The following BICRAL variants were observed in gnomAD, a reference collection of about 807,000 sequenced individuals.
BICRAL encodes BRD4-interacting chromatin-remodeling complex-associated protein-like.
A neutral mutation model predicts 91.8 loss-of-function variants in BICRAL; 8 were observed. That is an observed-to-expected ratio of 0.09 (90% CI 0.05 to 0.16). The LOEUF is 0.16. Among genes scored for constraint, BICRAL ranks in the 10% least tolerant of loss-of-function variants. BICRAL has a pLI of 1.00. For missense variants in BICRAL, 1,038 were observed against 1,310.9 expected (o/e 0.79, Z 3.21); for synonymous variants, 445 against 491.1 (o/e 0.91, Z 1.24).
At chr6:42,746,525 T>C (rs1215613995), upstream of BICRAL, among the ~76,000 whole-genome samples, 1 of 150,074 alleles carries the variant, frequency 6.7e-6, no homozygotes, top group Non-Finnish European at 1.5e-5. Flanking sequence ...GTGTGGTGGG[T>C]TGGGGGGACA....
intron 1 of BICRAL, among the ~76,000 whole-genome samples, chr6:42,785,145 T>C (rs1346606368): frequency 6.6e-6 from 1 of 152,188 alleles, no homozygotes; most frequent in Non-Finnish European, 1.5e-5. Context: ...TCCTAAGACT[T>C]TAAAATCTCA....
intron 11 of BICRAL, among the ~76,000 whole-genome samples, chr6:42,860,936 G>C (rs1427679256): frequency 6.6e-6 from 1 of 151,940 alleles, no homozygotes; most frequent in Non-Finnish European, 1.5e-5. Context: ...AGACCAGCCT[G>C]ACCAACATGG....
chr6:42,760,693 A>C (rs931242688), intron 1 of BICRAL, among the ~76,000 whole-genome samples: 3 of 152,132 alleles, frequency 2.0e-5, no homozygotes, highest in African/African-American at 7.2e-5. Flanking sequence ...GGCATGAGCC[A>C]CTGTGTCCGA....
intron 1 of BICRAL, among the ~76,000 whole-genome samples, chr6:42,809,110 C>A (rs146522504): frequency 1.1e-4 from 17 of 151,716 alleles, no homozygotes; most frequent in African/African-American, 3.6e-4. Flanking sequence ...CGGCACCCCC[C>A]CCAACAGGCC....
intron 1 of BICRAL, among the ~76,000 whole-genome samples, chr6:42,752,946 G>T (rs77498377): frequency 1.4e-5 from 2 of 142,736 alleles, no homozygotes; most frequent in Non-Finnish European, 3.0e-5. Flanking sequence ...GGTTGGGGGG[G>T]TACGGAGTTT....
At chr6:42,849,891 A>G (rs1295062880) in intron 6 of BICRAL, among the ~76,000 whole-genome samples, 1 of 151,950 alleles carries the variant, frequency 6.6e-6, no homozygotes, top group African/African-American at 2.4e-5. Flanking sequence ...ATCTCTACCA[A>G]AAAATACAAA....
intron 1 of BICRAL, among the ~76,000 whole-genome samples, chr6:42,793,043 C>G (rs927772405): frequency 2.0e-5 from 3 of 150,554 alleles, no homozygotes; most frequent in East Asian, 3.9e-4. Flanking sequence ...CAAACTCCAC[C>G]TCCCGGGTTT....
In BICRAL at chr6:42,758,246, C is replaced by T. The variant is rs374949867; in HGVS notation, c.-261+11223C>T. Reference sequence around the variant, plus strand: ...CCCTGAATCCCCCAGTTCTCTATACCGTAGCCAGTTATTGCCCTAAAATGC... The same window carrying T: ...CCCTGAATCCCCCAGTTCTCTATACTGTAGCCAGTTATTGCCCTAAAATGC... On this transcript the variant is annotated intron_variant, in intron 1 of 14. Coordinates refer to the BICRAL transcript ENST00000614467. Among the ~76,000 whole-genome samples the T allele has an allele frequency of 1.2e-4, 18 of 152,124 alleles. No homozygotes were observed. The East Asian group carries it at 1.3e-3, about 11-fold the overall frequency.
intron 1 of BICRAL, among the ~76,000 whole-genome samples, chr6:42,797,810 T>C (rs1255554243): frequency 1.3e-5 from 2 of 152,052 alleles, no homozygotes; most frequent in African/African-American, 2.4e-5. Flanking sequence ...ACCCCATCTC[T>C]ACAAAAATTG....
chr6:42,773,423 G>T (rs1762765810), intron 1 of BICRAL, among the ~76,000 whole-genome samples: 1 of 152,090 alleles, frequency 6.6e-6, no homozygotes. Context: ...TCGCCATGTT[G>T]CCCAGGCTGG....
rs1765726237 is a variant in BICRAL at position 42,867,054 on chromosome 6, G to T, written c.*1608G>T. ...TCTGTTTATCTCCCTGGCTCTGGAGGTGCAGCCACTGGTCTTCACTTTAAT... is the reference window on the plus strand; with the variant it reads ...TCTGTTTATCTCCCTGGCTCTGGAGTTGCAGCCACTGGTCTTCACTTTAAT... On this transcript the variant is annotated 3_prime_UTR_variant, in exon 13 of 13. Coordinates refer to ENST00000314073, the MANE Select transcript of BICRAL (RefSeq NM_001393499.1). 3 of 286,526 alleles carry T rather than the reference G, an allele frequency of 1.0e-5. No individual in the cohort carries two copies. The highest frequency in any genetic ancestry group is 9.1e-5 in the East Asian group (1 of 11,036). 17.7% of individuals were successfully genotyped at this position (286,526 alleles called of 1,614,324 possible).
intron 1 of BICRAL, among the ~76,000 whole-genome samples, chr6:42,783,436 G>T (rs1331804531): frequency 6.6e-6 from 1 of 152,344 alleles, no homozygotes; most frequent in Middle Eastern, 3.4e-3. Context: ...GGGTGGGGGG[G>T]TGCGGTTGGA....
rs1442848733 is a variant in BICRAL, at chr6:42,867,223, C to T, written c.*1777C>T. The T allele has an allele frequency of 4.3e-5, 8 of 185,566 alleles. No homozygotes were observed. In the South Asian group the frequency reaches 7.7e-4, roughly 18 times the overall value. 11.5% of individuals were successfully genotyped at this position (185,566 alleles called of 1,614,324 possible). ...ACACAGCAACAGAAGACCTATACCC[C>T]GGTGCCCCTGTGTCCCACTACACAC... On this transcript the variant is annotated 3_prime_UTR_variant, in exon 13 of 13. Transcript: ENST00000314073.
At chr6:42,751,391 T>A (rs535309373) in intron 1 of BICRAL, among the ~76,000 whole-genome samples, 1 of 152,354 alleles carries the variant, frequency 6.6e-6, no homozygotes, top group East Asian at 1.9e-4. Flanking sequence ...GCTGGTTGCA[T>A]CTCTATACAG....
intron 6 of BICRAL, among the ~76,000 whole-genome samples, chr6:42,843,857 A>T (rs796718974): frequency 6.8e-6 from 1 of 146,784 alleles, no homozygotes; most frequent in African/African-American, 2.5e-5. Context: ...CGAGTGCAAT[A>T]GCACGATCTC....
At chr6:42,800,040 C>T (rs1244455674) in intron 1 of BICRAL, among the ~76,000 whole-genome samples, 2 of 151,858 alleles carry the variant, frequency 1.3e-5, no homozygotes, top group Admixed American at 6.6e-5. Flanking sequence ...CTACCACATT[C>T]GGGTAATTTT....
In BICRAL at chr6:42,830,045, T is replaced by C. The variant is rs1414563915; in HGVS notation, c.1712T>C (p.Leu571Pro). 1 of 1,614,202 alleles carries C rather than the reference T, an allele frequency of 6.2e-7. No individual in the cohort carries two copies. Among genetic ancestry groups the C allele is most frequent in the Non-Finnish European group, 8.5e-7 (1 of 1,180,034 alleles). ...GGATCAAACTTTACAGGAGATCAGC[T>C]GACCCAGCCAAACAGGACTCCAGTA... is the stretch of plus-strand genomic sequence containing the variant. ...SSGSNFTGDQ[L>P]TQPNRTPVPV... The change falls in exon 6 of 13, where the codon CTG (leucine) becomes CCG (proline). Residue 571 changes from leucine to proline, a missense_variant. Transcript: ENST00000314073.
At chr6:42,815,057 G>A (rs769713534) in intron 2 of BICRAL, among the ~76,000 whole-genome samples, 4 of 150,344 alleles carry the variant, frequency 2.7e-5, no homozygotes, top group East Asian at 2.0e-4. Context: ...TTACAGGCAC[G>A]CACCACCACG....
Position 42,829,550 on chromosome 6 carries a change from G to C in BICRAL, c.1217G>C (p.Ser406Thr). 6.2e-7 allele frequency: 1 copy of C among 1,614,152 alleles called. No individual in the cohort carries two copies. ...APQSQFLIPT[S>T]LSVSSNSVHH... ...CAAAGTCAGTTCCTTATACCTACAAGCCTTTCTGTCAGTTCCAACTCGGTA... is the reference window on the plus strand; with the variant it reads ...CAAAGTCAGTTCCTTATACCTACAACCCTTTCTGTCAGTTCCAACTCGGTA... The change falls in exon 6 of 13, where the codon AGC (serine) becomes ACC (threonine). Residue 406 changes from serine (S) to threonine (T), a missense_variant. Around this residue, in one of 5 missense-constraint regions of BICRAL, gnomAD observed 532 missense variants for 724.9 expected, o/e 0.73. Coordinates refer to ENST00000314073, the MANE Select transcript of BICRAL (RefSeq NM_001393499.1).
Sources: gnomAD v4.1 joint callset for allele counts (sites outside exome capture counted in the v4.1 genomes callset) on GRCh38, gnomAD v4.1.1 for gene constraint, gnomAD v4.1.1 regional missense constraint, MANE v1.5 for transcripts, NCBI Gene and HGNC (gene_info 2026-07-23, HGNC 2026-07-21) for gene names.